The following CSNK1G1 variants were observed in gnomAD, a reference collection of about 807,000 sequenced individuals.
CSNK1G1 encodes casein kinase I isoform gamma-1.
In CSNK1G1, 22 loss-of-function variants were observed where a neutral mutation model predicts 59.6. That is an observed-to-expected ratio of 0.37 (90% confidence interval 0.26 to 0.53). The LOEUF (loss-of-function observed/expected upper bound fraction) is 0.53. Ranked by LOEUF, CSNK1G1 falls within the 20% of genes least tolerant of loss-of-function variation. The probability of loss-of-function intolerance (pLI) is 0.89; values close to 1 mark genes in which losing one functional copy is unlikely to be tolerated. For synonymous variants in CSNK1G1, 179 were observed against 177.1 expected (o/e 1.01, Z -0.08); for missense variants, 384 against 519.5 (o/e 0.74, Z 2.54).
intron 2 of CSNK1G1, among the ~76,000 whole-genome samples, chr15:64,294,912 CAAAAAAAA>C (rs937758323): frequency 3.9e-5 from 2 of 51,152 alleles, no homozygotes; most frequent in African/African-American, 6.6e-5. Flanking sequence ...AACTTCGTCT[CAAAAAAAA>C]AAAAAAAAAA....
intron 11 of CSNK1G1, among the ~76,000 whole-genome samples, chr15:64,172,215 A>T (rs2081678075): frequency 6.6e-6 from 1 of 152,160 alleles, no homozygotes; most frequent in Non-Finnish European, 1.5e-5. Flanking sequence ...AATTATCAAG[A>T]TGGTGCAGGC....
chr15:64,321,585 A>G (rs73448517), intron 1 of CSNK1G1, among the ~76,000 whole-genome samples: 4,038 of 152,280 alleles, frequency 0.027, 177 homozygotes, highest in African/African-American at 0.093. Flanking sequence ...TTTCTATGAC[A>G]GTTTTATAAT....
chr15:64,228,263 AACAG>A (rs1382932019), intron 4 of CSNK1G1, among the ~76,000 whole-genome samples: 1 of 139,070 alleles, frequency 7.2e-6, no homozygotes, highest in Non-Finnish European at 1.7e-5. Flanking sequence ...AAAAGTGATA[AACAG>A]ACAGATATAG....
In CSNK1G1 at chr15:64,263,976, C is replaced by A. The variant is rs1373492635; in HGVS notation, c.182-4735G>T. 2.0e-5 allele frequency among the ~76,000 whole-genome samples: 3 copies of A among 152,096 alleles called. No individual in the cohort carries two copies. In the South Asian group the frequency reaches 6.2e-4, roughly 32 times the overall value. On this transcript the variant is annotated intron_variant, in intron 2 of 11. Coordinates refer to ENST00000303052, the MANE Select transcript of CSNK1G1 (RefSeq NM_022048.5). ...GCAGTAAATTTCCAGAGGACAGTAA[C>A]GTTTAATTCATCTTTTTATCCCTAG... is the stretch of plus-strand genomic sequence containing the variant.
At chr15:64,268,057 A>G (rs947350854) in intron 2 of CSNK1G1, among the ~76,000 whole-genome samples, 2 of 152,230 alleles carry the variant, frequency 1.3e-5, no homozygotes, top group African/African-American at 4.8e-5. Flanking sequence ...TTACTGCAGC[A>G]TATTGACAAT....
At position 64,285,880 on chromosome 15, in the gene CSNK1G1, CTT is replaced by C. The variant is rs748745536; in HGVS notation, c.181+14437_181+14438del. On this transcript the variant is annotated intron_variant, in intron 2 of 11. Transcript: ENST00000303052. ...GAAGGGGAAAAAAAAAAAACGATGA[CTT>C]GTAATTCCTCCTTTTTTCATGGCCT... Among the ~76,000 whole-genome samples, 18 of 151,920 alleles carry C rather than the reference CTT, an allele frequency of 1.2e-4. No homozygotes were observed. In the South Asian group the frequency reaches 1.5e-3, roughly 12 times the overall value.
intron 2 of CSNK1G1, among the ~76,000 whole-genome samples, chr15:64,292,012 C>G (rs564470981): frequency 1.3e-5 from 2 of 152,086 alleles, no homozygotes; most frequent in African/African-American, 4.8e-5. Flanking sequence ...TCCTGGCTAA[C>G]ATGGTGAAAC....
At chr15:64,195,890 CAT>C (rs2082031778) in intron 10 of CSNK1G1, among the ~76,000 whole-genome samples, 1 of 152,134 alleles carries the variant, frequency 6.6e-6, no homozygotes, top group East Asian at 1.9e-4. Context: ...TATCCAAATT[CAT>C]AGTTTAATTA....
At chr15:64,218,857 T>G (rs1038163671) in intron 4 of CSNK1G1, among the ~76,000 whole-genome samples, 3 of 149,920 alleles carry the variant, frequency 2.0e-5, no homozygotes, top group Non-Finnish European at 3.0e-5. Context: ...GAAGTGTTTT[T>G]TTTTTTTTTT....
intron 2 of CSNK1G1, among the ~76,000 whole-genome samples, chr15:64,269,650 C>A (rs577737119): frequency 2.0e-5 from 3 of 151,472 alleles, no homozygotes; most frequent in Admixed American, 1.3e-4. Flanking sequence ...CATACTACCA[C>A]GTCCAGCTAA....
chr15:64,320,678 CAAAAA>C, intron 1 of CSNK1G1, among the ~76,000 whole-genome samples: 1 of 43,154 alleles, frequency 2.3e-5, no homozygotes, highest in Admixed American at 2.4e-4. Context: ...GGCTCCATCA[CAAAAA>C]AAAAAAAAAA....
At chr15:64,204,837 A>G (rs772396403) in intron 8 of CSNK1G1, 28 bp downstream of exon 8, 2 of 1,466,842 alleles carry the variant, frequency 1.4e-6, no homozygotes. Context: ...AAGCTCAGTC[A>G]CACTGGAATG....
chr15:64,192,364 A>G (rs2081983629), intron 10 of CSNK1G1, among the ~76,000 whole-genome samples: 1 of 152,212 alleles, frequency 6.6e-6, no homozygotes, highest in Non-Finnish European at 1.5e-5. Flanking sequence ...TTCAGTCGTG[A>G]TTGCATCACC....
intron 6 of CSNK1G1, among the ~76,000 whole-genome samples, chr15:64,213,135 T>C (rs1466981393): frequency 1.3e-5 from 2 of 152,216 alleles, no homozygotes; most frequent in African/African-American, 4.8e-5. Flanking sequence ...TCTAGAATGT[T>C]GATTTTCAAA....
At chr15:64,229,728 G>T (rs2082517328) in intron 4 of CSNK1G1, among the ~76,000 whole-genome samples, 1 of 151,938 alleles carries the variant, frequency 6.6e-6, no homozygotes, top group Non-Finnish European at 1.5e-5. Flanking sequence ...TGGATGGCTT[G>T]AAGTGAGAAT....
At chr15:64,220,161 C>A (rs1431945876) in intron 4 of CSNK1G1, among the ~76,000 whole-genome samples, 1 of 150,970 alleles carries the variant, frequency 6.6e-6, no homozygotes, top group Non-Finnish European at 1.5e-5. Flanking sequence ...GTGGCGTGGT[C>A]TCAGCTCACT....
In CSNK1G1 at chr15:64,189,451, A is replaced by G. The variant is rs758285524; in HGVS notation, c.1108-8997T>C. ...GCCAGATGGCTGAGTTGTTAACATC[A>G]TAATGCTCAGCTGTAACAGTCCTAA... On this transcript the variant is annotated intron_variant, in intron 10 of 11. Transcript: ENST00000303052. 14 of 1,290,102 alleles carry G rather than the reference A, an allele frequency of 1.1e-5. No individual in the cohort carries two copies. In the African/African-American group the frequency reaches 1.7e-4, roughly 15 times the overall value. The allele number at this position is 1,290,102 out of a possible 1,614,324, so 79.9% of individuals were successfully genotyped here. A position where few individuals can be genotyped will look rare whatever the true frequency, so the allele number is the denominator to read the frequency against.
At chr15:64,203,670 C>A (rs1415727756) in intron 9 of CSNK1G1, among the ~76,000 whole-genome samples, 1 of 134,776 alleles carries the variant, frequency 7.4e-6, no homozygotes, top group Non-Finnish European at 1.5e-5. Context: ...GCACTCCAGC[C>A]TGGGCAACAA....
In CSNK1G1 at chr15:64,214,435, AG is replaced by A. The variant is rs1227106669; in HGVS notation, c.445-312del. Among the ~76,000 whole-genome samples the A allele has an allele frequency of 6.6e-6, 1 of 152,240 alleles. No homozygotes were observed. The highest frequency in any genetic ancestry group is 1.5e-5 in the Non-Finnish European group (1 of 68,044). On this transcript the variant is annotated intron_variant, in intron 5 of 11. Coordinates refer to ENST00000303052, the MANE Select transcript of CSNK1G1 (RefSeq NM_022048.5). The surrounding 1 kb of genome is among the most constrained non-coding windows in gnomAD (Gnocchi z 4.3). ...AAATCAGTTGTTTATATGCTACGTC[AG>A]AAAATTAAGCATTTGAGACAAAAGA... is the stretch of plus-strand genomic sequence containing the variant.
Sources: allele counts gnomAD v4.1 joint callset (sites outside exome capture counted in the v4.1 genomes callset), GRCh38; gene constraint gnomAD v4.1.1; non-coding constraint Gnocchi (gnomAD v3.1); transcripts MANE v1.5; gene names NCBI Gene and HGNC (gene_info 2026-07-23, HGNC 2026-07-21).